Variants in ATF7 observed in about 807,000 individuals in gnomAD.
The protein encoded by ATF7 is activating transcription factor 7.
ATF7 carries 10 observed loss-of-function variants against 50.4 expected under a neutral mutation model. That is an observed-to-expected ratio of 0.20 (90% confidence interval 0.12 to 0.34). The LOEUF is 0.34. ATF7 is among the 10% of genes least tolerant of loss of function. The pLI is 1.00. For synonymous variants in ATF7, 201 were observed against 226.4 expected (o/e 0.89, Z 1.01); for missense variants, 465 against 613.9 (o/e 0.76, Z 2.56).
intron 1 of ATF7, among the ~76,000 whole-genome samples, chr12:53,604,921 T>G (rs751031230): frequency 8.5e-5 from 13 of 152,198 alleles, no homozygotes; most frequent in Non-Finnish European, 1.8e-4. Flanking sequence ...ATTTTACTCA[T>G]CTGTCATGAA....
chr12:53,570,022 G>T (rs1941662703), intron 2 of ATF7, among the ~76,000 whole-genome samples: 1 of 152,156 alleles, frequency 6.6e-6, no homozygotes, highest in African/African-American at 2.4e-5. Context: ...GCTTATGAAG[G>T]TCTGATTGAA....
chr12:53,551,646 A>C lies in ATF7; in HGVS notation c.145+895T>G, dbSNP rs187282593. 2.0e-5 allele frequency among the ~76,000 whole-genome samples: 3 copies of C among 152,306 alleles called. No homozygotes were observed. In the East Asian group the frequency reaches 5.8e-4, roughly 29 times the overall value. ...AGGCAAGTGGTAAGTCCCTTTCATC[A>C]TGTATGGAAGTATGATGAGGAAGTT... On this transcript the variant is annotated intron_variant, in intron 3 of 11. Transcript: ENST00000420353.
chr12:53,606,958 A>G lies in ATF7; in HGVS notation c.-21-5937T>C, dbSNP rs184979276. Among the ~76,000 whole-genome samples the G allele has an allele frequency of 7.2e-5, 11 of 152,086 alleles. No individual in the cohort carries two copies. In the East Asian group the frequency reaches 1.7e-3, roughly 24 times the overall value. ...GTGCCAAATTTTCTTAATCCAGTCT[A>G]TCGTTGATGGACATTTAGGTTGGTT... is the stretch of plus-strand genomic sequence containing the variant. On this transcript the variant is annotated intron_variant, in intron 1 of 11. Transcript: ENST00000420353.
At position 53,534,580 on chromosome 12, in the gene ATF7, C is replaced by A. The variant is rs747554656; in HGVS notation, c.482G>T (p.Gly161Val). ...AAGGGTTGGATGAAGTGGATCATAG[C>A]CCAAGTGGAGAGGCAGGGAGCCAGG... Reference protein sequence around the residue: ...VRPGSLPLHLGYDPLHPTLPS... With the variant: ...VRPGSLPLHLVYDPLHPTLPS... Residue 161 changes from glycine to valine, a missense_variant, in exon 6 of 12, where the codon GGC becomes GTC. By Grantham distance (109) the Gly-to-Val change is moderately radical. Transcript: ENST00000420353. The A allele has an allele frequency of 6.2e-7, 1 of 1,613,598 alleles. No homozygotes were observed. The highest frequency in any genetic ancestry group is 8.5e-7 in the Non-Finnish European group (1 of 1,179,842).
chr12:53,606,814 T>A (rs1379999025), intron 1 of ATF7, among the ~76,000 whole-genome samples: 1 of 149,002 alleles, frequency 6.7e-6, no homozygotes, highest in Non-Finnish European at 1.5e-5. Context: ...ACATGCGGTG[T>A]TTGGTTTTTT....
intron 4 of ATF7, among the ~76,000 whole-genome samples, chr12:53,541,220 T>A (rs539390278): frequency 6.6e-6 from 1 of 152,280 alleles, no homozygotes; most frequent in East Asian, 1.9e-4. Context: ...AGAGCTCCCA[T>A]GGAAATTTTT....
At chr12:53,565,808 TA>T (rs1941416615) in intron 2 of ATF7, among the ~76,000 whole-genome samples, 1 of 152,144 alleles carries the variant, frequency 6.6e-6, no homozygotes, top group African/African-American at 2.4e-5. Flanking sequence ...CTCTTTTTAA[TA>T]GTACTCTCTT....
intron 3 of ATF7, among the ~76,000 whole-genome samples, chr12:53,552,168 C>CT (rs369439734): frequency 1.2e-4 from 18 of 151,970 alleles, no homozygotes; most frequent in East Asian, 3.9e-4. Flanking sequence ...GCTAGATTGG[C>CT]TTTTTTTTGC....
chr12:53,533,456 C>T (rs149553546), intron 6 of ATF7, among the ~76,000 whole-genome samples, 197 bp from the exon 7 acceptor site: 23 of 152,248 alleles, frequency 1.5e-4, no homozygotes, highest in African/African-American at 5.5e-4. Context: ...AGAAAAATGG[C>T]AAAATCTTTA....
chr12:53,549,110 C>T (rs914443402), intron 3 of ATF7, among the ~76,000 whole-genome samples: 2 of 151,924 alleles, frequency 1.3e-5, no homozygotes, highest in Non-Finnish European at 1.5e-5. Flanking sequence ...CGCGGTGAAA[C>T]CCCGTCTCTA....
intron 9 of ATF7, among the ~76,000 whole-genome samples, chr12:53,529,529 G>C (rs1201316438): frequency 6.7e-6 from 1 of 149,986 alleles, no homozygotes; most frequent in Non-Finnish European, 1.5e-5. Context: ...AGTAGAGACG[G>C]GTTTCACCAT....
At chr12:53,551,966 T>C (rs1464833111) in intron 3 of ATF7, among the ~76,000 whole-genome samples, 4 of 152,216 alleles carry the variant, frequency 2.6e-5, no homozygotes, top group East Asian at 1.9e-4. Flanking sequence ...AGCAAGACAG[T>C]ATCTAAAACA....
chr12:53,584,299 C>T (rs1053127116), intron 2 of ATF7, among the ~76,000 whole-genome samples: 2 of 152,070 alleles, frequency 1.3e-5, no homozygotes, highest in Non-Finnish European at 2.9e-5. Flanking sequence ...TTGTTTAATG[C>T]AAATTAAAAC....
At chr12:53,572,381 A>C (rs1941811002) in intron 2 of ATF7, among the ~76,000 whole-genome samples, 1 of 152,190 alleles carries the variant, frequency 6.6e-6, no homozygotes, top group South Asian at 2.1e-4. Context: ...CCAGGGGAGG[A>C]AAACCTGAAC....
rs753357293 is a variant in ATF7 at position 53,537,432 on chromosome 12, G to C, written c.385C>G (p.Pro129Ala). 1.2e-6 allele frequency: 2 copies of C among 1,613,694 alleles called. No homozygotes were observed. Among genetic ancestry groups the C allele is most frequent in the Middle Eastern group, 1.7e-4 (1 of 5,976 alleles). ...GAATTTACCTTCTCCTTCAGTGGTG[G>C]GGAACAGGGACTAGAGGCAGGGCTA... is the stretch of plus-strand genomic sequence containing the variant. ...PDSPASSPCS[P>A]PLKEKEVTPK... is the part of the protein sequence containing the mutation. The change falls in exon 5 of 12, where the codon CCA becomes GCA. Residue 129 changes from proline (P) to alanine (A), a missense_variant. Coordinates refer to ENST00000420353, the MANE Select transcript of ATF7 (RefSeq NM_006856.3).
At position 53,556,479 on chromosome 12, in the gene ATF7, T is replaced by G. The variant is rs536198650; in HGVS notation, c.49-3842A>C. Among the ~76,000 whole-genome samples the G allele has an allele frequency of 5.0e-3, 766 of 152,260 alleles. 5 individuals carry two copies. Among genetic ancestry groups the G allele is most frequent in the Non-Finnish European group, 7.5e-3 (513 of 68,010 alleles). On this transcript the variant is annotated intron_variant, in intron 2 of 11. Transcript: ENST00000420353. Reference sequence around the variant, plus strand: ...AGAATAAAAGTTTACTGAAGCTTTCTGTCAAAGTGATCGCCAGGCCAGGTG... The same window carrying G: ...AGAATAAAAGTTTACTGAAGCTTTCGGTCAAAGTGATCGCCAGGCCAGGTG...
intron 5 of ATF7, 94 bp from the exon 6 acceptor site, chr12:53,534,753 A>T (rs762744218): frequency 2.8e-5 from 37 of 1,339,832 alleles, no homozygotes; most frequent in Non-Finnish European, 3.7e-5. Flanking sequence ...TTTATTGGAA[A>T]GAGCATTAGA....
intron 9 of ATF7, among the ~76,000 whole-genome samples, chr12:53,525,228 C>G (rs1938372696): frequency 6.6e-6 from 1 of 152,206 alleles, no homozygotes; most frequent in African/African-American, 2.4e-5. Context: ...TGGCGTATGC[C>G]TGTAATCCCA....
chr12:53,590,259 C>T (rs1053979857), intron 2 of ATF7, among the ~76,000 whole-genome samples: 3 of 152,184 alleles, frequency 2.0e-5, no homozygotes, highest in African/African-American at 7.2e-5. Flanking sequence ...CCAATTCATA[C>T]TAAAGTGTGA....
Sources: gnomAD v4.1 joint callset for allele counts (sites outside exome capture counted in the v4.1 genomes callset) on GRCh38, gnomAD v4.1.1 for gene constraint, MANE v1.5 for transcripts, NCBI Gene and HGNC (gene_info 2026-07-23, HGNC 2026-07-21) for gene names.